The following PAPPA2 variants were observed in gnomAD, a reference collection of about 807,000 sequenced individuals.
PAPPA2 encodes the protein pappalysin 2.
PAPPA2 carries 86 observed loss-of-function variants against 176.4 expected under a neutral mutation model. The observed-to-expected ratio is 0.49, with a 90% CI of 0.41 to 0.58. PAPPA2 has a LOEUF of 0.58. Ranked by LOEUF, PAPPA2 falls within the 20% of genes least tolerant of loss-of-function variation. The pLI, the probability that PAPPA2 is intolerant of heterozygous loss-of-function variation, is 0.00. For synonymous variants in PAPPA2, 809 were observed against 852.2 expected (o/e 0.95, Z 0.88); for missense variants, 2,073 against 2,256.9 (o/e 0.92, Z 1.65).
intron 2 of PAPPA2, among the ~76,000 whole-genome samples, chr1:176,567,096 C>A: frequency 6.6e-6 from 1 of 152,180 alleles, no homozygotes; most frequent in East Asian, 1.9e-4. Flanking sequence ...TATTTCTATG[C>A]TAAGTTTGTA....
At chr1:176,826,782 G>A (rs1482803936) in intron 21 of PAPPA2, among the ~76,000 whole-genome samples, 2 of 152,206 alleles carry the variant, frequency 1.3e-5, no homozygotes, top group Non-Finnish European at 2.9e-5. Context: ...GAAAAAGTCT[G>A]CAGAAATTGG....
chr1:176,688,209 T>C (rs1659939084), intron 4 of PAPPA2, among the ~76,000 whole-genome samples: 1 of 152,146 alleles, frequency 6.6e-6, no homozygotes. Flanking sequence ...TAAACATATG[T>C]ACAGAGTAGA....
chr1:176,601,014 TCC>T, intron 3 of PAPPA2, among the ~76,000 whole-genome samples: 2 of 152,094 alleles, frequency 1.3e-5, no homozygotes, highest in Admixed American at 6.6e-5. Flanking sequence ...CCAATGTGTC[TCC>T]CAAAGTTCAT....
intron 1 of PAPPA2, among the ~76,000 whole-genome samples, chr1:176,489,966 G>C (rs1178437185): frequency 6.6e-6 from 1 of 152,146 alleles, no homozygotes; most frequent in East Asian, 1.9e-4. Context: ...GTGAATTTGT[G>C]AAACGACTTC....
chr1:176,487,561 A>T (rs1340231025), intron 1 of PAPPA2, among the ~76,000 whole-genome samples: 1 of 152,194 alleles, frequency 6.6e-6, no homozygotes. Flanking sequence ...GTCAGTATTG[A>T]TGGAATAAAC....
intron 3 of PAPPA2, among the ~76,000 whole-genome samples, chr1:176,670,468 TTTAC>T (rs1464832863): frequency 6.6e-6 from 1 of 152,212 alleles, no homozygotes; most frequent in Non-Finnish European, 1.5e-5. Context: ...ATTTTCCTCT[TTTAC>T]TTTATGTTTT....
intron 1 of PAPPA2, among the ~76,000 whole-genome samples, chr1:176,505,486 A>T (rs917743215): frequency 6.6e-6 from 1 of 152,090 alleles, no homozygotes; most frequent in Non-Finnish European, 1.5e-5. Flanking sequence ...TGAGCCATAG[A>T]TTGACCAACT....
rs750322563 is a variant in PAPPA2, at chr1:176,791,386, G to C, written c.4924G>C (p.Glu1642Gln). Reference sequence around the variant, plus strand: ...CACTAAAGAGGGCCTGTGGACCCAGGAGTTTAAGTTGTGTGAGAATCTGCA... The same window carrying C: ...CACTAAAGAGGGCCTGTGGACCCAGCAGTTTAAGTTGTGTGAGAATCTGCA... ...LCTKEGLWTQ[E>Q]FKLCENLQGE... Residue 1642 changes from glutamate to glutamine, a missense_variant, in exon 19 of 23, where the codon GAG (glutamate) becomes CAG (glutamine). Around this residue, in one of 4 missense-constraint regions of PAPPA2, gnomAD observed 846 missense variants for 857.9 expected, o/e 0.99. Coordinates refer to ENST00000367662, the MANE Select transcript of PAPPA2 (RefSeq NM_020318.3). 3.1e-6 allele frequency: 5 copies of C among 1,611,848 alleles called. No individual in the cohort carries two copies. The East Asian group carries it at 6.7e-5, about 22-fold the overall frequency.
At chr1:176,674,499 A>G (rs1163509798) in intron 4 of PAPPA2, among the ~76,000 whole-genome samples, 1 of 152,106 alleles carries the variant, frequency 6.6e-6, no homozygotes, top group Non-Finnish European at 1.5e-5. Context: ...CTTATAAGTG[A>G]TAATATGTGA....
At chr1:176,720,941 G>A (rs1661586545) in intron 12 of PAPPA2, among the ~76,000 whole-genome samples, 1 of 152,166 alleles carries the variant, frequency 6.6e-6, no homozygotes, top group South Asian at 2.1e-4. Context: ...TCCTGCTCTG[G>A]AAGAGGAAGA....
At chr1:176,752,558 C>T (rs1482502827) in intron 14 of PAPPA2, among the ~76,000 whole-genome samples, 1 of 152,102 alleles carries the variant, frequency 6.6e-6, no homozygotes, top group Admixed American at 6.6e-5. Context: ...TTTGGTTTGG[C>T]TTGCAATGCC....
intron 8 of PAPPA2, among the ~76,000 whole-genome samples, chr1:176,700,094 C>T (rs1660582858): frequency 6.6e-6 from 1 of 152,192 alleles, no homozygotes; most frequent in Non-Finnish European, 1.5e-5. Flanking sequence ...TTTCCCCCCT[C>T]ACACCCCAAT....
rs142758153 is a variant in PAPPA2 at position 176,720,928 on chromosome 1, G to A, written c.3798+8947G>A. Among the ~76,000 whole-genome samples the A allele has an allele frequency of 8.0e-3, 1,223 of 152,300 alleles. 12 individuals are homozygous for A. Among genetic ancestry groups the A allele is most frequent in the Non-Finnish European group, 0.014 (944 of 68,026 alleles). On this transcript the variant is annotated intron_variant, in intron 12 of 22. Coordinates refer to ENST00000367662, the MANE Select transcript of PAPPA2 (RefSeq NM_020318.3). ...TGATGCCCAAGGGGAAAGAGAAAGAGTTTCCTGCTCTGGAAGAGGAAGAAA... is the reference window on the plus strand; with the variant it reads ...TGATGCCCAAGGGGAAAGAGAAAGAATTTCCTGCTCTGGAAGAGGAAGAAA...
chr1:176,558,059 A>G (rs1009457472), intron 2 of PAPPA2, among the ~76,000 whole-genome samples: 1 of 152,230 alleles, frequency 6.6e-6, no homozygotes, highest in Non-Finnish European at 1.5e-5. Flanking sequence ...GGTTAAGAGT[A>G]ACTGTTCCCT....
intron 16 of PAPPA2, 68 bp from the exon 17 acceptor site, chr1:176,770,899 C>A: frequency 6.8e-7 from 1 of 1,465,952 alleles, no homozygotes; most frequent in Non-Finnish European, 9.5e-7. Flanking sequence ...GTTTTTATTT[C>A]ATCTGCTATG....
At chr1:176,661,051 T>C (rs1006018711) in intron 3 of PAPPA2, among the ~76,000 whole-genome samples, 1 of 152,098 alleles carries the variant, frequency 6.6e-6, no homozygotes, top group Non-Finnish European at 1.5e-5. Flanking sequence ...CCTCTTATGA[T>C]TCTGGAGACT....
intron 2 of PAPPA2, among the ~76,000 whole-genome samples, chr1:176,565,333 A>G (rs1169961755): frequency 1.3e-5 from 2 of 152,200 alleles, no homozygotes; most frequent in African/African-American, 4.8e-5. Context: ...CAGACTACCA[A>G]AGTGGCTGCA....
At chr1:176,717,102 T>C (rs906847281) in intron 12 of PAPPA2, among the ~76,000 whole-genome samples, 1 of 152,072 alleles carries the variant, frequency 6.6e-6, no homozygotes, top group African/African-American at 2.4e-5. Context: ...CCTCCACCCT[T>C]CTGCAGCCCC....
At chr1:176,722,886 G>A in intron 12 of PAPPA2, among the ~76,000 whole-genome samples, 1 of 152,160 alleles carries the variant, frequency 6.6e-6, no homozygotes, top group Non-Finnish European at 1.5e-5. Context: ...ATATATGTCA[G>A]TTAGCTACAT....
Sources: gnomAD v4.1 joint callset for allele counts (sites outside exome capture counted in the v4.1 genomes callset) on GRCh38, gnomAD v4.1.1 for gene constraint, gnomAD v4.1.1 regional missense constraint, MANE v1.5 for transcripts, NCBI Gene and HGNC (gene_info 2026-07-23, HGNC 2026-07-21) for gene names.